COL21A1: variants seen among roughly 807,000 people sequenced by gnomAD.
COL21A1 encodes the protein collagen type XXI alpha 1 chain, also known as collagen alpha-1(XXI) chain.
A neutral mutation model predicts 137.9 loss-of-function variants in COL21A1; 149 were observed. The ratio of observed to expected loss-of-function variants is 1.08; its 90% CI spans 0.95 to 1.24. The LOEUF (loss-of-function observed/expected upper bound fraction) is 1.24, where lower values mean the gene tolerates loss of function less well. Ranked by LOEUF, COL21A1 falls within the 50% of genes most tolerant of loss-of-function variation. The pLI, the probability that COL21A1 is intolerant of heterozygous loss-of-function variation, is 0.00. For missense variants in COL21A1, 1,167 were observed against 1,158.4 expected (o/e 1.01, Z -0.11); for synonymous variants, 456 against 391.5 (o/e 1.16, Z -1.95).
chr6:56,315,870 C>CA (rs541234127), intron 1 of COL21A1, among the ~76,000 whole-genome samples: 6 of 151,676 alleles, frequency 4.0e-5, no homozygotes, highest in South Asian at 2.1e-4. Context: ...AATTTCACCA[C>CA]AAAAAAAAGA....
chr6:56,123,113 T>C (rs1772695902), intron 16 of COL21A1, among the ~76,000 whole-genome samples: 1 of 152,246 alleles, frequency 6.6e-6, no homozygotes, highest in African/African-American at 2.4e-5. Context: ...GATTATAAAC[T>C]GTGTAAGAGT....
intron 16 of COL21A1, among the ~76,000 whole-genome samples, chr6:56,120,590 A>G (rs1461349350): frequency 6.6e-6 from 1 of 152,126 alleles, no homozygotes; most frequent in Non-Finnish European, 1.5e-5. Flanking sequence ...TGAGGTCAGG[A>G]ATTCGAGAAC....
chr6:56,128,880 C>T (rs1391006702), intron 12 of COL21A1, among the ~76,000 whole-genome samples: 1 of 152,116 alleles, frequency 6.6e-6, no homozygotes, highest in Non-Finnish European at 1.5e-5. Context: ...GTCTCAAACT[C>T]CTGACCTCAG....
chr6:56,345,430 T>C (rs1765574833), intron 1 of COL21A1, among the ~76,000 whole-genome samples: 1 of 152,240 alleles, frequency 6.6e-6, no homozygotes, highest in South Asian at 2.1e-4. Context: ...AAGAATTATC[T>C]CCTTTTTATA....
intron 17 of COL21A1, among the ~76,000 whole-genome samples, chr6:56,089,777 C>T (rs1226100337): frequency 6.6e-6 from 1 of 152,120 alleles, no homozygotes. Flanking sequence ...ATATGTTATC[C>T]ATTCTAAGAA....
rs1562028875 is a variant in COL21A1 at position 56,260,653 on chromosome 6, A to AG, written c.-38-77998_-38-77997insC. Among the ~76,000 whole-genome samples the AG allele has an allele frequency of 5.9e-4, 25 of 42,570 alleles. 1 individual carries two copies. Among genetic ancestry groups the AG allele is most frequent in the Non-Finnish European group, 1.1e-3 (19 of 17,276 alleles). The allele number at this position is 42,570 out of a possible 152,430, so 27.9% of individuals were successfully genotyped here. On this transcript the variant is annotated intron_variant, in intron 1 of 28. Coordinates refer to the COL21A1 transcript ENST00000370819. ...GAAGGAAGGAAGGAAGGAAGGAAGG[A>AG]AGGAATGAAGGAAGGAAGGAAGGAA...
chr6:56,098,089 A>G (rs1215873632), intron 17 of COL21A1, among the ~76,000 whole-genome samples: 1 of 34,460 alleles, frequency 2.9e-5, no homozygotes, highest in African/African-American at 1.3e-4. Context: ...AAATATAAAT[A>G]TATATAAATA....
Position 56,123,976 on chromosome 6 carries a change from T to A in COL21A1, c.1758+86A>T, listed in dbSNP as rs944706193. ...TATCCCAATGCCACATGTTAAAAAA[T>A]TTTAATATTGGTACATTTTTCTTAT... On this transcript the variant is annotated intron_variant, in intron 16 of 29. Transcript: ENST00000244728. 1.0e-5 allele frequency: 12 copies of A among 1,203,338 alleles called. No homozygotes were observed. In the Admixed American group the frequency reaches 3.1e-4, roughly 31 times the overall value. 74.5% of individuals were successfully genotyped at this position (1,203,338 alleles called of 1,614,324 possible). A position where few individuals can be genotyped will look rare whatever the true frequency, so the allele number is the denominator to read the frequency against.
intron 1 of COL21A1, among the ~76,000 whole-genome samples, chr6:56,283,348 GAA>G (rs901296054): frequency 6.6e-5 from 10 of 151,284 alleles, no homozygotes; most frequent in Admixed American, 1.3e-4. Context: ...TAACCATGTA[GAA>G]AAAAAATCTC....
chr6:56,103,746 C>T (rs1190942371), intron 16 of COL21A1, among the ~76,000 whole-genome samples: 1 of 152,128 alleles, frequency 6.6e-6, no homozygotes, highest in Non-Finnish European at 1.5e-5. Context: ...ATATCACATT[C>T]TTTATTATCT....
chr6:56,343,806 G>C (rs1765523848), intron 1 of COL21A1, among the ~76,000 whole-genome samples: 1 of 152,272 alleles, frequency 6.6e-6, no homozygotes, highest in Non-Finnish European at 1.5e-5. Flanking sequence ...AGCCAGGCGT[G>C]GTGGCATGCA....
At chr6:56,313,846 T>C (rs574800839) in intron 1 of COL21A1, among the ~76,000 whole-genome samples, 2 of 152,300 alleles carry the variant, frequency 1.3e-5, no homozygotes, top group Non-Finnish European at 1.5e-5. Context: ...CCTAGTGACC[T>C]ATTATTTGAG....
At chr6:56,126,446 A>G (rs1773055288) in intron 12 of COL21A1, 1 of 280,620 alleles carries the variant, frequency 3.6e-6, no homozygotes, top group South Asian at 4.7e-5. Context: ...CAGGGGCAAG[A>G]CACATGAATT....
At chr6:56,065,636 T>C (rs1399528067) in intron 23 of COL21A1, among the ~76,000 whole-genome samples, 1 of 151,642 alleles carries the variant, frequency 6.6e-6, no homozygotes, top group Non-Finnish European at 1.5e-5. Flanking sequence ...GGAGAAAGGA[T>C]AGGAGGGTGT....
chr6:56,201,228 C>A (rs1013114525), intron 1 of COL21A1, among the ~76,000 whole-genome samples: 3 of 152,044 alleles, frequency 2.0e-5, no homozygotes, highest in African/African-American at 7.2e-5. Flanking sequence ...GAGTAGGCTG[C>A]AAAAATTTTC....
intron 16 of COL21A1, among the ~76,000 whole-genome samples, chr6:56,118,999 C>G (rs905665394): frequency 1.3e-5 from 2 of 152,106 alleles, no homozygotes; most frequent in South Asian, 2.1e-4. Flanking sequence ...AAAATAAAAG[C>G]CTTTCCTGTA....
rs568597395 is a variant in COL21A1 at position 56,387,356 on chromosome 6, CAGA to C, written c.-39+6612_-39+6614del. Among the ~76,000 whole-genome samples the C allele has an allele frequency of 8.1e-4, 123 of 152,118 alleles. 1 individual carries two copies. The highest frequency in any genetic ancestry group is 2.9e-3 in the African/African-American group (119 of 41,490). ...TTTTAAAGTCTGTGCAAGAGGAGGA[CAGA>C]ACAAGATGGCCAAATAGAACCCTTC... On this transcript the variant is annotated intron_variant, in intron 1 of 28. Coordinates refer to the COL21A1 transcript ENST00000370819.
At chr6:56,108,588 A>G (rs1293146252) in intron 16 of COL21A1, among the ~76,000 whole-genome samples, 2 of 151,990 alleles carry the variant, frequency 1.3e-5, no homozygotes, top group Non-Finnish European at 2.9e-5. Flanking sequence ...TGAATAACGT[A>G]GAAACTACAT....
At chr6:56,278,999 C>A (rs1160625918) in intron 1 of COL21A1, among the ~76,000 whole-genome samples, 1 of 152,106 alleles carries the variant, frequency 6.6e-6, no homozygotes, top group Non-Finnish European at 1.5e-5. Context: ...GGATCTGTGT[C>A]CCCACCCAAA....
Sources: allele counts gnomAD v4.1 joint callset (sites outside exome capture counted in the v4.1 genomes callset), GRCh38; gene constraint gnomAD v4.1.1; transcripts MANE v1.5; gene names NCBI Gene and HGNC (gene_info 2026-07-23, HGNC 2026-07-21).